CYB5R2: variants seen among roughly 807,000 people sequenced by gnomAD.
The protein encoded by CYB5R2 is NADH-cytochrome b5 reductase 2.
Under a neutral mutation model 29.8 loss-of-function variants are expected in CYB5R2, and 35 were observed. The ratio of observed to expected loss-of-function variants is 1.17; its 90% CI spans 0.90 to 1.56. CYB5R2 has a LOEUF of 1.56. CYB5R2 is among the 40% of genes most tolerant of loss of function. The probability of loss-of-function intolerance (pLI) is 0.00; values close to 1 mark genes in which losing one functional copy is unlikely to be tolerated. For synonymous variants in CYB5R2, 169 were observed against 130.6 expected, an observed-to-expected ratio of 1.29 and a Z score of -2.01; for missense variants, 419 against 346.7, an observed-to-expected ratio of 1.21 and a Z score of -1.66.
intron 5 of CYB5R2, 110 bp downstream of exon 5, chr11:7,669,095 G>T: frequency 7.6e-7 from 1 of 1,320,182 alleles, no homozygotes; most frequent in Non-Finnish European, 1.1e-6. Flanking sequence ...AATGAATGAA[G>T]ACTAAGGACA....
At chr11:7,666,657 C>A (rs111733433) in intron 7 of CYB5R2, 107 bp from the exon 8 acceptor site, 2 of 686,376 alleles carry the variant, frequency 2.9e-6, no homozygotes, top group Non-Finnish European at 5.0e-6. Context: ...ACCACTCCAG[C>A]TGGAGTGCTC....
chr11:7,669,243 A>C lies in CYB5R2; in HGVS notation c.350T>G (p.Phe117Cys). Residue 117 changes from phenylalanine to cysteine, a missense_variant, in exon 5 of 9, where the codon TTT becomes TGT. Transcript: ENST00000299498. ...ENMKIGETIF[F>C]RGPRGRLFYH... ...AAACAAGCGTCCCCTTGGCCCTCGAAAAAAGATGGTCTCCCCGATTTTCAT... is the reference window on the plus strand; with the variant it reads ...AAACAAGCGTCCCCTTGGCCCTCGACAAAAGATGGTCTCCCCGATTTTCAT... 1 of 1,614,160 alleles carries C rather than the reference A, an allele frequency of 6.2e-7. No individual in the cohort carries two copies. The highest frequency in any genetic ancestry group is 8.5e-7 in the Non-Finnish European group (1 of 1,180,026).
At chr11:7,673,670 G>A (rs1311177056), upstream of CYB5R2, 3 of 985,350 alleles carry the variant, frequency 3.0e-6, no homozygotes, top group African/African-American at 1.7e-5. Flanking sequence ...CGTCCCGACG[G>A]AGATATTTCT....
upstream of CYB5R2, chr11:7,673,818 G>C (rs1565159356): frequency 1.0e-6 from 1 of 987,794 alleles, no homozygotes; most frequent in African/African-American, 1.7e-5. Context: ...AGCTCCGCCT[G>C]GCCGACGGGG....
At chr11:7,666,013 C>T (rs907921135) in intron 8 of CYB5R2, 2 of 1,079,154 alleles carry the variant, frequency 1.9e-6, no homozygotes, top group Admixed American at 2.0e-5. Flanking sequence ...ACAGTGGTTG[C>T]TGGGATGCTG....
rs758615101 is a variant in CYB5R2, at chr11:7,666,517, C to T, written c.592G>A (p.Glu198Lys). 6 of 1,613,598 alleles carry T rather than the reference C, an allele frequency of 3.7e-6. No individual in the cohort carries two copies. The highest frequency in any genetic ancestry group is 4.2e-6 in the Non-Finnish European group (5 of 1,179,590). ...TCTGGGTGAGTCCTGGCAATTTCTT[C>T]AAGCTCTTTTCTGACCAAGATATCC... Reference protein sequence around the residue: ...EEDILVRKELEEIARTHPDQF... With the variant: ...EEDILVRKELKEIARTHPDQF... The change falls in exon 8 of 9, where the codon GAA (glutamate) becomes AAA (lysine). Residue 198 changes from glutamate to lysine, a missense_variant. Physicochemically the swap from Glu to Lys is moderately conservative, Grantham distance 56 (BLOSUM62 1). Coordinates refer to ENST00000299498, the MANE Select transcript of CYB5R2 (RefSeq NM_016229.5).
At chr11:7,671,027 C>T (rs936305531) in intron 3 of CYB5R2, 2 of 152,630 alleles carry the variant, frequency 1.3e-5, no homozygotes, top group Non-Finnish European at 2.9e-5. Context: ...AAAAAGCAGG[C>T]AGAGTAGGCA....
At position 7,672,604 on chromosome 11, in the gene CYB5R2, C is replaced by T. The variant is rs577894211; in HGVS notation, c.79-81G>A. The T allele has an allele frequency of 4.0e-6, 6 of 1,497,144 alleles. No homozygotes were observed. The South Asian group carries it at 5.7e-5, about 14-fold the overall frequency. 92.7% of individuals were successfully genotyped at this position (1,497,144 alleles called of 1,614,324 possible). A position where few individuals can be genotyped will look rare whatever the true frequency, so the allele number is the denominator to read the frequency against. On this transcript the variant is annotated intron_variant, in intron 2 of 8. Transcript: ENST00000299498. ...AGCTGAGATGCCTGGGAAAGGAGGT[C>T]CGTTTGGCGCTATTCCAGCACACAC...
chr11:7,669,816 G>T (rs1270562391), intron 3 of CYB5R2, 85 bp from the exon 4 acceptor site: 2 of 966,752 alleles, frequency 2.1e-6, no homozygotes, highest in Non-Finnish European at 1.6e-6. Context: ...TCAGTGAAGG[G>T]AGCAAATACT....
In CYB5R2 at chr11:7,666,751, G is replaced by T. The variant is rs533515829; in HGVS notation, c.559-201C>A. On this transcript the variant is annotated intron_variant, in intron 7 of 8. Coordinates refer to ENST00000299498, the MANE Select transcript of CYB5R2 (RefSeq NM_016229.5). ...TGTTTTGTGGATGAAGTTCCTCCATGTGGATGAAGAACCTCCATGGGATGT... is the reference window on the plus strand; with the variant it reads ...TGTTTTGTGGATGAAGTTCCTCCATTTGGATGAAGAACCTCCATGGGATGT... 8.4e-6 allele frequency: 4 copies of T among 475,894 alleles called. No homozygotes were observed. The South Asian group carries it at 9.6e-5, about 11-fold the overall frequency. The allele number at this position is 475,894 out of a possible 1,614,324, so 29.5% of individuals were successfully genotyped here. A position where few individuals can be genotyped will look rare whatever the true frequency, so the allele number is the denominator to read the frequency against.
At chr11:7,669,966 A>T in intron 3 of CYB5R2, 2 of 501,556 alleles carry the variant, frequency 4.0e-6, no homozygotes, top group South Asian at 4.4e-5. Flanking sequence ...TGGTCTCTTC[A>T]TCTGTAAAAT....
chr11:7,665,856 G>A, intron 8 of CYB5R2: 2 of 1,536,064 alleles, frequency 1.3e-6, no homozygotes, highest in Non-Finnish European at 1.7e-6. Flanking sequence ...CAGCCAGCTG[G>A]AGTTGTCCGG....
rs941599957 is a variant in CYB5R2 at position 7,669,657 on chromosome 11, C to A, written c.226G>T (p.Asp76Tyr). The change falls in exon 4 of 9, where the codon GAT becomes TAT. Residue 76 changes from aspartate (D) to tyrosine (Y), a missense_variant. Physicochemically the swap from Asp to Tyr is radical, Grantham distance 160. Transcript: ENST00000299498. Reference sequence around the variant, plus strand: ...ATTAGGTCCACAAAGCCTCTGTCATCATCACTGGAGACAGGGGTGTAAGCC... The same window carrying A: ...ATTAGGTCCACAAAGCCTCTGTCATAATCACTGGAGACAGGGGTGTAAGCC... ...VRAYTPVSSDDDRGFVDLIIK... is the reference protein window; with the variant it reads ...VRAYTPVSSDYDRGFVDLIIK... 2 of 1,610,282 alleles carry A rather than the reference C, an allele frequency of 1.2e-6. No homozygotes were observed. Among genetic ancestry groups the A allele is most frequent in the Non-Finnish European group, 1.7e-6 (2 of 1,178,608 alleles).
chr11:7,669,089 A>G (rs1855551485), intron 5 of CYB5R2, 116 bp downstream of exon 5: 2 of 1,245,338 alleles, frequency 1.6e-6, no homozygotes, highest in South Asian at 2.4e-5. Context: ...TGTGTGAATG[A>G]ATGAAGACTA....
rs1855037786 is a variant in CYB5R2 at position 7,665,277 on chromosome 11, G to C, written c.*97C>G. 2 of 1,102,780 alleles carry C rather than the reference G, an allele frequency of 1.8e-6. No homozygotes were observed. The highest frequency in any genetic ancestry group is 2.6e-6 in the Non-Finnish European group (2 of 782,598). 68.3% of individuals were successfully genotyped at this position (1,102,780 alleles called of 1,614,324 possible). A position where few individuals can be genotyped will look rare whatever the true frequency, so the allele number is the denominator to read the frequency against. On this transcript the variant is annotated 3_prime_UTR_variant, in exon 9 of 9. Coordinates refer to ENST00000299498, the MANE Select transcript of CYB5R2 (RefSeq NM_016229.5). Reference sequence around the variant, plus strand: ...GTGTGTGCGCGAAGGTACATGGCAAGGCACTTTTGAAAACATCCCAGTTTA... The same window carrying C: ...GTGTGTGCGCGAAGGTACATGGCAACGCACTTTTGAAAACATCCCAGTTTA...
chr11:7,674,095 A>C, upstream of CYB5R2: 1 of 1,196,778 alleles, frequency 8.4e-7, no homozygotes, highest in Non-Finnish European at 1.1e-6. Context: ...TGCCACACTG[A>C]GCGCCCCTCA....
chr11:7,669,173 G>C (rs188240040), intron 5 of CYB5R2, 32 bp downstream of exon 5: 20 of 1,613,894 alleles, frequency 1.2e-5, no homozygotes, highest in Non-Finnish European at 8.5e-7. Flanking sequence ...CTTCCTCCCA[G>C]CTGGGAGCCC....
chr11:7,671,118 C>T (rs1226551230), intron 3 of CYB5R2: 1 of 152,266 alleles, frequency 6.6e-6, no homozygotes. Context: ...TCAGAACAGG[C>T]TCAATGACTC....
chr11:7,669,884 G>A, intron 3 of CYB5R2, 153 bp from the exon 4 acceptor site: 1 of 633,460 alleles, frequency 1.6e-6, no homozygotes, highest in Non-Finnish European at 2.8e-6. Flanking sequence ...CCCAAATATG[G>A]GATGCCCGGA....
Sources: gnomAD v4.1 joint callset for allele counts on GRCh38, gnomAD v4.1.1 for gene constraint, MANE v1.5 for transcripts, NCBI Gene and HGNC (gene_info 2026-07-23, HGNC 2026-07-21) for gene names.